The following IRAG2 variants were observed in gnomAD, a reference collection of about 807,000 sequenced individuals.
The protein encoded by IRAG2 is lymphoid restricted membrane protein.
Under a neutral mutation model 69.9 loss-of-function variants are expected in IRAG2, and 45 were observed. The ratio of observed to expected loss-of-function variants is 0.64; its 90% CI spans 0.51 to 0.83. The LOEUF is 0.83. Among genes scored for constraint, IRAG2 ranks in the 40% least tolerant of loss-of-function variants. IRAG2 has a pLI of 0.00. For synonymous variants in IRAG2, 193 were observed against 202.4 expected (o/e 0.95, Z 0.40); for missense variants, 520 against 587.0 (o/e 0.89, Z 1.18).
At chr12:25,027,495 C>T (rs549990181) in intron 9 of IRAG2, among the ~76,000 whole-genome samples, 7 of 150,888 alleles carry the variant, frequency 4.6e-5, no homozygotes, top group East Asian at 2.0e-4. Flanking sequence ...TCCGTGTTCA[C>T]GCCATTCTCC....
chr12:25,081,113 T>C (rs772007676), intron 9 of IRAG2, among the ~76,000 whole-genome samples: 2 of 152,124 alleles, frequency 1.3e-5, no homozygotes, highest in Non-Finnish European at 2.9e-5. Flanking sequence ...AATAGAACAA[T>C]TTTGACAACA....
chr12:25,052,642 A>G (rs566041081), upstream of IRAG2: 66 of 397,576 alleles, frequency 1.7e-4, 1 homozygote, highest in East Asian at 2.3e-3. Flanking sequence ...AAGCCCATGC[A>G]AACACAGAAT....
intron 3 of IRAG2, among the ~76,000 whole-genome samples, chr12:25,013,790 A>G (rs938222965): frequency 1.3e-5 from 2 of 151,612 alleles, no homozygotes; most frequent in Non-Finnish European, 2.9e-5. Context: ...AAAAATATGC[A>G]TAGGAAAATA....
chr12:25,015,932 A>AGTG (rs1944523882), intron 5 of IRAG2, among the ~76,000 whole-genome samples: 1 of 152,196 alleles, frequency 6.6e-6, no homozygotes, highest in Non-Finnish European at 1.5e-5. Flanking sequence ...GCGGTGCCTC[A>AGTG]CGCCTGTAAT....
At chr12:25,035,168 C>A (rs558712047) in intron 13 of IRAG2, among the ~76,000 whole-genome samples, 2 of 152,230 alleles carry the variant, frequency 1.3e-5, no homozygotes, top group South Asian at 4.1e-4. Flanking sequence ...TTTCAACAGG[C>A]AGCAAAAAGA....
chr12:25,082,150 G>T (rs1387340455), intron 9 of IRAG2, among the ~76,000 whole-genome samples: 1 of 152,128 alleles, frequency 6.6e-6, no homozygotes, highest in African/African-American at 2.4e-5. Flanking sequence ...AAATATCCCT[G>T]GAAAGCTAGA....
chr12:25,013,866 C>CTTTTTTT (rs71063386), intron 3 of IRAG2, among the ~76,000 whole-genome samples: 1,308 of 79,544 alleles, frequency 0.016, 63 homozygotes, highest in Middle Eastern at 0.028. Flanking sequence ...TTTTCTTTTT[C>CTTTTTTT]TTTTTTTTTT....
At position 25,061,791 on chromosome 12, in the gene IRAG2, G is replaced by A. The variant is rs1184699576; in HGVS notation, c.-385+138G>A. On this transcript the variant is annotated intron_variant, in intron 2 of 21. Transcript: ENST00000556887. The stretch of plus-strand genomic sequence containing the variant: ...CAGTTTAGAAGAAAATGTTTTGGTG[G>A]ACTTTGTTCTCTTCTGCACTTAAAG... The A allele has an allele frequency of 4.3e-5, 17 of 394,446 alleles. No homozygotes were observed. The East Asian group carries it at 6.1e-4, about 14-fold the overall frequency. 24.4% of individuals were successfully genotyped at this position (394,446 alleles called of 1,614,324 possible).
intron 6 of IRAG2, among the ~76,000 whole-genome samples, chr12:25,018,376 T>G (rs57624937): frequency 0.12 from 17,852 of 151,790 alleles, 1,182 homozygotes; most frequent in East Asian, 0.2. Flanking sequence ...CTGACTAATT[T>G]TTGTGTTTTT....
intron 1 of IRAG2, among the ~76,000 whole-genome samples, chr12:25,058,272 CA>C (rs1300113814): frequency 6.6e-6 from 1 of 152,132 alleles, no homozygotes; most frequent in Non-Finnish European, 1.5e-5. Context: ...TAATCTTTGT[CA>C]TTTTAGCCAC....
intron 17 of IRAG2, chr12:25,103,600 GTA>G (rs1244904517): frequency 4.2e-6 from 2 of 471,630 alleles, no homozygotes; most frequent in Non-Finnish European, 7.5e-6. Context: ...TAAACAAATT[GTA>G]TATTTGTTAG....
chr12:25,042,573 C>G (rs1244252384), intron 16 of IRAG2, among the ~76,000 whole-genome samples: 1 of 151,986 alleles, frequency 6.6e-6, no homozygotes, highest in East Asian at 1.9e-4. Flanking sequence ...TCAAGTGATT[C>G]TCCTGCTTCA....
At chr12:25,053,436 A>G (rs549826617) in intron 1 of IRAG2, among the ~76,000 whole-genome samples, 1 of 152,020 alleles carries the variant, frequency 6.6e-6, no homozygotes, top group Non-Finnish European at 1.5e-5. Context: ...AAAATATCAA[A>G]TGTGTGAAAA....
chr12:25,081,651 A>C (rs985439363), intron 9 of IRAG2, among the ~76,000 whole-genome samples: 2 of 152,216 alleles, frequency 1.3e-5, no homozygotes, highest in Admixed American at 6.5e-5. Flanking sequence ...TTTATCCTAT[A>C]GATAATATGC....
At chr12:25,100,558 C>A (rs1476563897) in intron 15 of IRAG2, among the ~76,000 whole-genome samples, 2 of 152,140 alleles carry the variant, frequency 1.3e-5, no homozygotes, top group African/African-American at 2.4e-5. Flanking sequence ...CAACTGCCTG[C>A]CTTGAGGGTG....
intron 16 of IRAG2, among the ~76,000 whole-genome samples, chr12:25,040,562 A>C (rs1023702284): frequency 1.9e-4 from 29 of 152,250 alleles, no homozygotes; most frequent in African/African-American, 6.7e-4. Flanking sequence ...TAAATGGAGT[A>C]TTTTGTGAGG....
chr12:25,032,883 C>A (rs1384203070), intron 12 of IRAG2, among the ~76,000 whole-genome samples: 1 of 151,988 alleles, frequency 6.6e-6, no homozygotes, highest in Non-Finnish European at 1.5e-5. Context: ...GGGGGGCAAA[C>A]AAACATTCAG....
rs934630189 is a variant in IRAG2, at chr12:25,092,187, G to T, written c.606+1990G>T. 6.0e-5 allele frequency among the ~76,000 whole-genome samples: 9 copies of T among 151,240 alleles called. No individual in the cohort carries two copies. The East Asian group carries it at 1.7e-3, about 29-fold the overall frequency. On this transcript the variant is annotated intron_variant, in intron 14 of 21. Coordinates refer to ENST00000556887, the MANE Select transcript of IRAG2 (RefSeq NM_001366544.2). ...GGCTGAGGCAGGCAGATCACCTAAA[G>T]TCAGGAGTTTGAGACCAGCCTGGCC...
intron 6 of IRAG2, 53 bp from the exon 7 acceptor site, chr12:25,079,191 G>A: frequency 6.3e-7 from 1 of 1,584,006 alleles, no homozygotes; most frequent in Non-Finnish European, 8.7e-7. Flanking sequence ...CAACCTCTTT[G>A]GAATGGAAAA....
Sources: allele counts gnomAD v4.1 joint callset (sites outside exome capture counted in the v4.1 genomes callset), GRCh38; gene constraint gnomAD v4.1.1; transcripts MANE v1.5; gene names NCBI Gene and HGNC (gene_info 2026-07-23, HGNC 2026-07-21).